The following DISC1 variants were observed in gnomAD, a reference collection of about 807,000 sequenced individuals.
The protein encoded by DISC1 is DISC1 scaffold protein.
Under a neutral mutation model 84.5 loss-of-function variants are expected in DISC1, and 57 were observed. That is an observed-to-expected ratio of 0.67 (90% CI 0.55 to 0.84). The LOEUF (loss-of-function observed/expected upper bound fraction) is 0.84. Among genes scored for constraint, DISC1 ranks in the 40% least tolerant of loss-of-function variants. The probability of loss-of-function intolerance (pLI) is 0.00; values close to 1 mark genes in which losing one functional copy is unlikely to be tolerated. For synonymous variants in DISC1, 411 were observed against 415.2 expected (o/e 0.99, Z 0.12); for missense variants, 1,000 against 1,057.8 (o/e 0.95, Z 0.76).
At chr1:231,743,360 G>T (rs565520830) in intron 3 of DISC1, among the ~76,000 whole-genome samples, 1 of 152,162 alleles carries the variant, frequency 6.6e-6, no homozygotes, top group African/African-American at 2.4e-5. Context: ...CTGAAGCTTA[G>T]AAAGGTTAAG....
intron 3 of DISC1, chr1:231,723,435 G>A (rs11122324): frequency 0.35 from 349,068 of 985,294 alleles, 62,125 homozygotes; most frequent in African/African-American, 0.42. Flanking sequence ...AGGTGCACTG[G>A]CTACGACCTT....
intron 1 of DISC1, among the ~76,000 whole-genome samples, chr1:231,693,140 C>G (rs2065242403): frequency 6.6e-6 from 1 of 152,192 alleles, no homozygotes; most frequent in Non-Finnish European, 1.5e-5. Context: ...GCAAGTGGTA[C>G]AATCAGGGTT....
intron 1 of DISC1, among the ~76,000 whole-genome samples, chr1:231,628,921 G>A (rs1325959567): frequency 6.6e-6 from 1 of 150,896 alleles, no homozygotes; most frequent in Admixed American, 6.6e-5. Context: ...TTTTTTTTTA[G>A]AGTTGGAGTC....
At chr1:231,983,783 T>G (rs1337381759) in intron 10 of DISC1, among the ~76,000 whole-genome samples, 1 of 152,224 alleles carries the variant, frequency 6.6e-6, no homozygotes, top group Middle Eastern at 3.4e-3. Context: ...GAGCAGTCAA[T>G]GTACATTTGG....
intron 9 of DISC1, among the ~76,000 whole-genome samples, chr1:231,907,010 CTTTCTT>C (rs1485145172): frequency 5.4e-5 from 8 of 149,160 alleles, no homozygotes; most frequent in Non-Finnish European, 8.9e-5. Context: ...TTCTCTCTCT[CTTTCTT>C]TTTCTTCTCT....
intron 12 of DISC1, among the ~76,000 whole-genome samples, chr1:232,036,112 A>T (rs984020684): frequency 6.6e-6 from 1 of 152,214 alleles, no homozygotes; most frequent in African/African-American, 2.4e-5. Flanking sequence ...ACAGCAGGTT[A>T]GAGCCTGGAG....
intron 3 of DISC1, among the ~76,000 whole-genome samples, chr1:231,711,420 C>T (rs890768693): frequency 7.2e-6 from 1 of 139,136 alleles, no homozygotes; most frequent in Non-Finnish European, 1.5e-5. Flanking sequence ...AGTGCGGTGG[C>T]GTGATCTTGG....
Position 231,841,469 on chromosome 1 carries a change from G to A in DISC1, c.1981+22952G>A, listed in dbSNP as rs543357078. ...TCTTTCTCAGGCTCTTGTACAGGCT[G>A]TACCTCAGTTTATCCAGCTCATTGG... On this transcript the variant is annotated intron_variant, in intron 9 of 12. Coordinates refer to ENST00000439617, the MANE Select transcript of DISC1 (RefSeq NM_018662.3). Among the ~76,000 whole-genome samples the A allele has an allele frequency of 1.2e-4, 18 of 152,318 alleles. No individual in the cohort carries two copies. The South Asian group carries it at 3.5e-3, about 30-fold the overall frequency.
chr1:231,899,418 C>A (rs995112821), intron 9 of DISC1, among the ~76,000 whole-genome samples: 11 of 152,164 alleles, frequency 7.2e-5, no homozygotes, highest in African/African-American at 2.4e-4. Context: ...TGGGCCATGA[C>A]CTCCTTCCAG....
intron 1 of DISC1, among the ~76,000 whole-genome samples, chr1:231,662,405 C>T (rs997211461): frequency 6.6e-5 from 10 of 152,124 alleles, no homozygotes; most frequent in African/African-American, 1.7e-4. Context: ...GAGCTGCATC[C>T]GAGGGAGAGG....
intron 3 of DISC1, among the ~76,000 whole-genome samples, chr1:231,739,244 CT>C (rs1454875822): frequency 5.9e-5 from 9 of 152,230 alleles, no homozygotes; most frequent in Admixed American, 5.9e-4. Context: ...TCATTAGAAT[CT>C]TTTCTACCCT....
intron 1 of DISC1, among the ~76,000 whole-genome samples, chr1:231,673,963 C>T (rs2062882330): frequency 6.6e-6 from 1 of 152,182 alleles, no homozygotes; most frequent in African/African-American, 2.4e-5. Flanking sequence ...TATAAAAAGC[C>T]AGTGCCCATT....
Position 231,839,918 on chromosome 1 carries a change from A to G in DISC1, c.1981+21401A>G, listed in dbSNP as rs147030320. On this transcript the variant is annotated intron_variant, in intron 9 of 12. Coordinates refer to ENST00000439617, the MANE Select transcript of DISC1 (RefSeq NM_018662.3). ...ATTACCACAGAAAGGGCACCAAGCC[A>G]TGCATAAGGGACTCGCCCCCATGAC... 5.3e-5 allele frequency among the ~76,000 whole-genome samples: 8 copies of G among 152,272 alleles called. No individual in the cohort carries two copies. In the East Asian group the frequency reaches 1.4e-3, roughly 26 times the overall value.
At chr1:231,718,375 T>C (rs2125078173) in intron 3 of DISC1, among the ~76,000 whole-genome samples, 1 of 152,262 alleles carries the variant, frequency 6.6e-6, no homozygotes, top group South Asian at 2.1e-4. Flanking sequence ...CCCTGGCCCT[T>C]GCTTAGCTTT....
At chr1:231,935,266 G>A (rs1037062155) in intron 9 of DISC1, among the ~76,000 whole-genome samples, 1 of 152,078 alleles carries the variant, frequency 6.6e-6, no homozygotes, top group Non-Finnish European at 1.5e-5. Flanking sequence ...TTTTCAGCAC[G>A]GATTTTTTCC....
chr1:231,750,108 T>C (rs1409628693), intron 4 of DISC1, 32 bp downstream of exon 4: 4 of 1,600,610 alleles, frequency 2.5e-6, no homozygotes, highest in Non-Finnish European at 3.4e-6. Context: ...CATTTTCCCC[T>C]CATGTTTCTT....
intron 9 of DISC1, among the ~76,000 whole-genome samples, chr1:231,947,404 A>T (rs1437665812): frequency 1.3e-5 from 2 of 152,240 alleles, no homozygotes; most frequent in African/African-American, 4.8e-5. Context: ...AACCAGCCAT[A>T]TTCAGAAAAC....
At chr1:231,729,756 C>G (rs1473620334) in intron 3 of DISC1, among the ~76,000 whole-genome samples, 2 of 142,636 alleles carry the variant, frequency 1.4e-5, no homozygotes, top group Non-Finnish European at 3.0e-5. Context: ...ACCTTTACAT[C>G]ACTCAAAGAA....
At chr1:231,714,729 G>GGAGAGA (rs151303418) in intron 3 of DISC1, among the ~76,000 whole-genome samples, 1 of 148,378 alleles carries the variant, frequency 6.7e-6, no homozygotes, top group African/African-American at 2.5e-5. Flanking sequence ...AAAGATATAG[G>GGAGAGA]GAGAGAGAGA....
Sources: gnomAD v4.1 joint callset for allele counts (sites outside exome capture counted in the v4.1 genomes callset) on GRCh38, gnomAD v4.1.1 for gene constraint, MANE v1.5 for transcripts, NCBI Gene and HGNC (gene_info 2026-07-23, HGNC 2026-07-21) for gene names.